Variants in ST6GALNAC3 observed in about 807,000 individuals in gnomAD.
ST6GALNAC3 encodes alpha-N-acetylgalactosaminide alpha-2,6-sialyltransferase 3.
ST6GALNAC3 carries 25 observed loss-of-function variants against 32.7 expected under a neutral mutation model. That is an observed-to-expected ratio of 0.76 (90% CI 0.56 to 1.07). ST6GALNAC3 has a LOEUF of 1.07. Among genes scored for constraint, ST6GALNAC3 ranks in the 50% least tolerant of loss-of-function variants. The probability of loss-of-function intolerance (pLI) is 0.00; values close to 1 mark genes in which losing one functional copy is unlikely to be tolerated. For missense variants in ST6GALNAC3, 355 were observed against 382.4 expected, an observed-to-expected ratio of 0.93 and a Z score of 0.60; for synonymous variants, 129 against 133.1, an observed-to-expected ratio of 0.97 and a Z score of 0.21.
At chr1:76,258,753 T>A (rs190110846) in intron 1 of ST6GALNAC3, among the ~76,000 whole-genome samples, 1 of 152,276 alleles carries the variant, frequency 6.6e-6, no homozygotes, top group Admixed American at 6.5e-5. Context: ...GAAAGAAGGA[T>A]CTGGCAATAA....
At chr1:76,356,944 T>A (rs144694167) in intron 2 of ST6GALNAC3, among the ~76,000 whole-genome samples, 224 of 152,158 alleles carry the variant, frequency 1.5e-3, no homozygotes, top group African/African-American at 5.2e-3. Context: ...AAGAGGCATG[T>A]CCACAATAGG....
At chr1:76,330,505 G>A (rs868774355) in intron 2 of ST6GALNAC3, among the ~76,000 whole-genome samples, 1 of 152,160 alleles carries the variant, frequency 6.6e-6, no homozygotes, top group African/African-American at 2.4e-5. Context: ...GACATCAAAT[G>A]TCTTCCTGTG....
intron 3 of ST6GALNAC3, among the ~76,000 whole-genome samples, chr1:76,588,813 C>G (rs1647002623): frequency 1.3e-5 from 2 of 152,176 alleles, no homozygotes; most frequent in Non-Finnish European, 2.9e-5. Context: ...CAGCTTCTGC[C>G]AGGCAGCCAC....
At chr1:76,440,884 T>A (rs1656529951) in intron 3 of ST6GALNAC3, among the ~76,000 whole-genome samples, 1 of 151,910 alleles carries the variant, frequency 6.6e-6, no homozygotes, top group South Asian at 2.1e-4. Context: ...GGTCAGGAGT[T>A]CGAGACCAGC....
At chr1:76,429,714 A>C (rs1158239592) in intron 3 of ST6GALNAC3, among the ~76,000 whole-genome samples, 2 of 152,088 alleles carry the variant, frequency 1.3e-5, no homozygotes. Flanking sequence ...AGAATGATAG[A>C]CTGTGAGCTC....
At chr1:76,137,688 T>C (rs1382624927) in intron 1 of ST6GALNAC3, among the ~76,000 whole-genome samples, 1 of 146,064 alleles carries the variant, frequency 6.8e-6, no homozygotes, top group East Asian at 1.9e-4. Context: ...GTCATGTCCC[T>C]GCAAGGGAGC....
At chr1:76,614,333 A>G (rs1648134468) in intron 3 of ST6GALNAC3, among the ~76,000 whole-genome samples, 1 of 152,240 alleles carries the variant, frequency 6.6e-6, no homozygotes, top group Non-Finnish European at 1.5e-5. Flanking sequence ...CTCAACTTCT[A>G]ATGGAATTCT....
At chr1:76,194,074 C>T (rs931880406) in intron 1 of ST6GALNAC3, among the ~76,000 whole-genome samples, 1 of 152,134 alleles carries the variant, frequency 6.6e-6, no homozygotes, top group East Asian at 1.9e-4. Context: ...ATGAAGTAGG[C>T]ACTATGATCA....
chr1:76,456,381 C>G (rs1359687652), intron 3 of ST6GALNAC3, among the ~76,000 whole-genome samples: 2 of 151,838 alleles, frequency 1.3e-5, no homozygotes, highest in Non-Finnish European at 1.5e-5. Context: ...GAGTCTCATT[C>G]TGTTGCCCAA....
Position 76,634,291 on chromosome 1 carries a change from C to T in ST6GALNAC3, c.*5485C>T, listed in dbSNP as rs1364312058. 1.1e-5 allele frequency: 5 copies of T among 472,296 alleles called. No homozygotes were observed. Among genetic ancestry groups the T allele is most frequent in the South Asian group, 9.0e-5 (1 of 11,140 alleles). The allele number at this position is 472,296 out of a possible 1,614,324, so 29.3% of individuals were successfully genotyped here. On this transcript the variant is annotated 3_prime_UTR_variant, in exon 5 of 5. Coordinates refer to ENST00000328299, the MANE Select transcript of ST6GALNAC3 (RefSeq NM_152996.4). ...CTAAGAAACTTCAAAAAGATCAAAA[C>T]GAGGCAATTTTATAGCTTTTTGTTA...
intron 3 of ST6GALNAC3, among the ~76,000 whole-genome samples, chr1:76,460,133 T>G (rs982566353): frequency 1.1e-4 from 17 of 152,354 alleles, no homozygotes; most frequent in African/African-American, 3.8e-4. Flanking sequence ...CTTCACATTC[T>G]TGCCAACCCT....
intron 1 of ST6GALNAC3, among the ~76,000 whole-genome samples, chr1:76,193,468 A>G (rs555267794): frequency 1.3e-5 from 2 of 152,212 alleles, no homozygotes; most frequent in South Asian, 4.2e-4. Flanking sequence ...AACATTTAAC[A>G]TAACTACGGT....
chr1:76,235,344 A>G (rs1656590301), intron 1 of ST6GALNAC3, among the ~76,000 whole-genome samples: 3 of 151,902 alleles, frequency 2.0e-5, no homozygotes, highest in Admixed American at 2.0e-4. Flanking sequence ...CATCTCTACA[A>G]AAAATTAAAA....
At chr1:76,525,582 A>T (rs1439653884) in intron 3 of ST6GALNAC3, among the ~76,000 whole-genome samples, 6 of 151,506 alleles carry the variant, frequency 4.0e-5, no homozygotes, top group Non-Finnish European at 8.8e-5. Context: ...AGAGAATCTT[A>T]ATCTAGTATC....
At chr1:76,167,190 C>T (rs1210544558) in intron 1 of ST6GALNAC3, among the ~76,000 whole-genome samples, 5 of 152,044 alleles carry the variant, frequency 3.3e-5, no homozygotes, top group East Asian at 1.9e-4. Flanking sequence ...CCTAGTTTAT[C>T]GAGAGTTTTT....
At chr1:76,622,303 C>T (rs966196746) in intron 3 of ST6GALNAC3, among the ~76,000 whole-genome samples, 2 of 151,876 alleles carry the variant, frequency 1.3e-5, no homozygotes, top group Admixed American at 1.3e-4. Context: ...TAAGACTTGC[C>T]CTTTGGGTCT....
At chr1:76,516,109 T>G (rs1571486043) in intron 3 of ST6GALNAC3, among the ~76,000 whole-genome samples, 1 of 152,304 alleles carries the variant, frequency 6.6e-6, no homozygotes, top group East Asian at 1.9e-4. Flanking sequence ...CAACCATGGA[T>G]GGGCATGCAT....
chr1:76,242,044 T>TA (rs1656994518), intron 1 of ST6GALNAC3, among the ~76,000 whole-genome samples: 2 of 152,172 alleles, frequency 1.3e-5, no homozygotes, highest in Admixed American at 1.3e-4. Context: ...TAATTGGGAT[T>TA]AAAAATCATA....
chr1:76,516,264 G>A (rs1662166508), intron 3 of ST6GALNAC3, among the ~76,000 whole-genome samples: 1 of 152,066 alleles, frequency 6.6e-6, no homozygotes, highest in Admixed American at 6.6e-5. Context: ...GTTACAATAT[G>A]CCTTGGAGAT....
Sources: allele counts gnomAD v4.1 joint callset (sites outside exome capture counted in the v4.1 genomes callset), GRCh38; gene constraint gnomAD v4.1.1; transcripts MANE v1.5; gene names NCBI Gene and HGNC (gene_info 2026-07-23, HGNC 2026-07-21).